The following ABCA3 variants were observed in gnomAD, a reference collection of about 807,000 sequenced individuals.
ABCA3 encodes the protein phospholipid-transporting ATPase ABCA3.
A neutral mutation model predicts 172.8 loss-of-function variants in ABCA3; 88 were observed. The observed-to-expected ratio is 0.51, with a 90% CI of 0.43 to 0.61. The LOEUF (loss-of-function observed/expected upper bound fraction) is 0.61. Ranked by LOEUF, ABCA3 falls within the 20% of genes least tolerant of loss-of-function variation. The pLI is 0.00. For synonymous variants in ABCA3, 1,066 were observed against 983.8 expected, an observed-to-expected ratio of 1.08 and a Z score of -1.56; for missense variants, 2,164 against 2,301.0, an observed-to-expected ratio of 0.94 and a Z score of 1.22.
rs1286449515 is a variant in ABCA3 at position 2,276,539 on chromosome 16, C to A, written c.*135G>T. On this transcript the variant is annotated 3_prime_UTR_variant, in exon 33 of 33. Transcript: ENST00000301732. Reference sequence around the variant, plus strand: ...GCACTCGTCCATTCTGTGCATACTGCCTTGAATTTTTCATATCCATCATAG... The same window carrying A: ...GCACTCGTCCATTCTGTGCATACTGACTTGAATTTTTCATATCCATCATAG... 3 of 1,431,238 alleles carry A rather than the reference C, an allele frequency of 2.1e-6. No individual in the cohort carries two copies. Among genetic ancestry groups the A allele is most frequent in the African/African-American group, 2.8e-5 (2 of 70,538 alleles). 88.7% of individuals were successfully genotyped at this position (1,431,238 alleles called of 1,614,324 possible). A position where few individuals can be genotyped will look rare whatever the true frequency, so the allele number is the denominator to read the frequency against.
chr16:2,283,186 C>G lies in ABCA3; in HGVS notation c.4035G>C (p.Leu1345=). Residue 1345 remains leucine (L), a splice_region_variant and synonymous_variant, in exon 26 of 33, where the codon CTG becomes CTC. Coordinates refer to ENST00000301732, the MANE Select transcript of ABCA3 (RefSeq NM_001089.3). This position sits in a 1 kb window ranked among gnomAD's most constrained non-coding sequence, Gnocchi z 5.4. ...GTCCTGGGCTCCCGGAGCCACTCAC[C>G]AGTGTCCGCCTCCTCCGGAGGGCGC... ...ILCALRRRRT[L]TELYTRMPVL... is the part of the protein sequence containing the mutation. 1 of 1,612,862 alleles carries G rather than the reference C, an allele frequency of 6.2e-7. No homozygotes were observed. The highest frequency in any genetic ancestry group is 8.5e-7 in the Non-Finnish European group (1 of 1,179,860).
intron 7 of ABCA3, 80 bp downstream of exon 7, chr16:2,323,443 G>A: frequency 6.4e-7 from 1 of 1,568,104 alleles, no homozygotes; most frequent in Non-Finnish European, 8.8e-7. Context: ...AAATACTTTT[G>A]CAAAGTGGGG....
intron 12 of ABCA3, among the ~76,000 whole-genome samples, chr16:2,301,810 T>G (rs189502379): frequency 6.6e-6 from 1 of 152,202 alleles, no homozygotes; most frequent in Admixed American, 6.5e-5. Flanking sequence ...TGTGTGTCAC[T>G]ATAAATGAAG....
intron 6 of ABCA3, among the ~76,000 whole-genome samples, chr16:2,324,049 G>A (rs2093730314): frequency 6.6e-6 from 1 of 152,048 alleles, no homozygotes. Flanking sequence ...CTTTCTTTCC[G>A]CCAGATCATA....
intron 19 of ABCA3, among the ~76,000 whole-genome samples, chr16:2,291,032 G>A (rs1321625168): frequency 6.6e-6 from 1 of 152,066 alleles, no homozygotes; most frequent in Non-Finnish European, 1.5e-5. Context: ...ACCATGCCCG[G>A]CTAATTTTTG....
intron 11 of ABCA3, 40 bp downstream of exon 11, chr16:2,308,410 C>A (rs1323826897): frequency 4.3e-6 from 7 of 1,613,214 alleles, no homozygotes; most frequent in Non-Finnish European, 5.9e-6. Flanking sequence ...TCGAAGGTTA[C>A]TGATTCGGAA....
At position 2,286,737 on chromosome 16, in the gene ABCA3, G is replaced by A. The variant is rs2141696548; in HGVS notation, c.3235C>T (p.Gln1079Ter). 1.2e-6 allele frequency: 2 copies of A among 1,613,898 alleles called. No individual in the cohort carries two copies. The highest frequency in any genetic ancestry group is 1.7e-6 in the Non-Finnish European group (2 of 1,179,942). Residue 1079 changes from glutamine (Q) to a stop codon, truncating the protein, a stop_gained, in exon 22 of 33, where the codon CAG becomes TAG. Coordinates refer to ENST00000301732, the MANE Select transcript of ABCA3 (RefSeq NM_001089.3). LOFTEE classifies it high-confidence loss of function. The surrounding 1 kb of genome is among the most constrained non-coding windows in gnomAD (Gnocchi z 5.2). Reference protein sequence around the residue: ...HASIVVSNFPQPRSALQAAKD... With the variant: ...HASIVVSNFP ...GCAGCCTGCAGGGCGCTCCGGGGCT[G>A]GGGGAAGTTGGAGACCACAATGGAG...
chr16:2,326,825 T>A (rs547698286), intron 3 of ABCA3, among the ~76,000 whole-genome samples: 51 of 152,210 alleles, frequency 3.4e-4, no homozygotes, highest in African/African-American at 1.1e-3. Flanking sequence ...CCGTCTCTAC[T>A]GAAAATACAA....
rs1386054686 is a variant in ABCA3 at position 2,276,324 on chromosome 16, C to T, written c.*350G>A. On this transcript the variant is annotated 3_prime_UTR_variant, in exon 33 of 33. Coordinates refer to ENST00000301732, the MANE Select transcript of ABCA3 (RefSeq NM_001089.3). ...GTAAACTTGGACAAGTCACTGGGTC[C>T]TCTCTCCAGGGAGTGCCTGGAGAAA... 1 of 480,454 alleles carries T rather than the reference C, an allele frequency of 2.1e-6. No homozygotes were observed. The highest frequency in any genetic ancestry group is 4.1e-6 in the Non-Finnish European group (1 of 243,276). 29.8% of individuals were successfully genotyped at this position (480,454 alleles called of 1,614,324 possible).
intron 12 of ABCA3, 135 bp downstream of exon 12, chr16:2,303,834 C>T: frequency 9.9e-7 from 1 of 1,005,356 alleles, no homozygotes; most frequent in Non-Finnish European, 1.5e-6. Flanking sequence ...ACTCCCTGTG[C>T]ACAGGGCAGG....
rs541844877 is a variant in ABCA3, at chr16:2,281,580, C to A, written c.4036-71G>T. The A allele has an allele frequency of 1.9e-5, 6 of 319,404 alleles. No individual in the cohort carries two copies. The highest frequency in any genetic ancestry group is 7.8e-5 in the African/African-American group (2 of 25,684). The allele number at this position is 319,404 out of a possible 1,614,324, so 19.8% of individuals were successfully genotyped here. ...GCGGCTTCCGTGGAGAAGGGAGGGG[C>A]GGGGGTGGATGTGGGAGGTCTGGTG... On this transcript the variant is annotated intron_variant, in intron 26 of 32. Coordinates refer to ENST00000301732, the MANE Select transcript of ABCA3 (RefSeq NM_001089.3). The surrounding 1 kb of genome is among the most constrained non-coding windows in gnomAD (Gnocchi z 4.7).
chr16:2,290,814 T>C (rs1473256379), intron 19 of ABCA3, among the ~76,000 whole-genome samples: 2 of 152,208 alleles, frequency 1.3e-5, no homozygotes, highest in Non-Finnish European at 2.9e-5. Flanking sequence ...TATGATCACC[T>C]ATTCTGTCGC....
Position 2,285,923 on chromosome 16 carries a change from C to A in ABCA3, c.3279-277G>T, listed in dbSNP as rs1325477331. Among the ~76,000 whole-genome samples the A allele has an allele frequency of 6.6e-6, 1 of 152,236 alleles. No homozygotes were observed. Among genetic ancestry groups the A allele is most frequent in the African/African-American group, 2.4e-5 (1 of 41,464 alleles). ...CCCTCAGCCCCACGGCTGCCGGCGA[C>A]CTTGCCCAGGTGTGGAGGTCCCGAG... On this transcript the variant is annotated intron_variant, in intron 22 of 32. Transcript: ENST00000301732. The surrounding 1 kb of genome is among the most constrained non-coding windows in gnomAD (Gnocchi z 4.7).
rs151110890 is a variant in ABCA3, at chr16:2,284,326, C to T, written c.3815G>A (p.Arg1272Lys). Residue 1272 changes from arginine (R) to lysine (K), a missense_variant, in exon 25 of 33, where the codon AGG becomes AAG. Physicochemically the swap from Arg to Lys is conservative, Grantham distance 26. Coordinates refer to ENST00000301732, the MANE Select transcript of ABCA3 (RefSeq NM_001089.3). This position sits in a 1 kb window ranked among gnomAD's most constrained non-coding sequence, Gnocchi z 5.9. ...SSFYENYETR[R>K]YCTSSEVAAH... The stretch of plus-strand genomic sequence containing the variant: ...GGCGACCTCGGAGGAGGTGCAGTAC[C>T]TCCGCGTCTCGTAGTTCTCGTAGAA... The T allele has an allele frequency of 6.2e-7, 1 of 1,613,790 alleles. No homozygotes were observed. Among genetic ancestry groups the T allele is most frequent in the African/African-American group, 1.3e-5 (1 of 74,920 alleles).
intron 10 of ABCA3, among the ~76,000 whole-genome samples, chr16:2,316,718 G>A (rs2093716491): frequency 2.0e-5 from 3 of 151,712 alleles, no homozygotes; most frequent in African/African-American, 7.3e-5. Flanking sequence ...AGTACTTAGA[G>A]TGGTGGTGAG....
Position 2,279,224 on chromosome 16 carries a change from C to CAGACAGGCGCAGTGG in ABCA3, c.4360-95_4360-94insCCACTGCGCCTGTCT. 1.4e-6 allele frequency: 2 copies of CAGACAGGCGCAGTGG among 1,422,388 alleles called. No homozygotes were observed. Among genetic ancestry groups the CAGACAGGCGCAGTGG allele is most frequent in the Non-Finnish European group, 1.9e-6 (2 of 1,038,302 alleles). The allele number at this position is 1,422,388 out of a possible 1,614,324, so 88.1% of individuals were successfully genotyped here. On this transcript the variant is annotated intron_variant, in intron 28 of 32. Transcript: ENST00000301732. The surrounding 1 kb of genome is among the most constrained non-coding windows in gnomAD (Gnocchi z 4.4). ...GGGACTACCCTTGAGGTGCCCACCA[C>CAGACAGGCGCAGTGG]TGCGCCTGTCTGTGGTTCCTGCCAG...
rs1255124700 is a variant in ABCA3 at position 2,275,889 on chromosome 16, C to T, written c.*785G>A. Reference sequence around the variant, plus strand: ...GACCCACAGACTGTGACTGTGTCCCCTCAGCATTTATTTTCTGGATGGTCA... The same window carrying T: ...GACCCACAGACTGTGACTGTGTCCCTTCAGCATTTATTTTCTGGATGGTCA... On this transcript the variant is annotated 3_prime_UTR_variant, in exon 33 of 33. Coordinates refer to ENST00000301732, the MANE Select transcript of ABCA3 (RefSeq NM_001089.3). 6.2e-6 allele frequency: 1 copy of T among 161,796 alleles called. No homozygotes were observed. Among genetic ancestry groups the T allele is most frequent in the African/African-American group, 2.4e-5 (1 of 41,514 alleles). 10.0% of individuals were successfully genotyped at this position (161,796 alleles called of 1,614,324 possible).
intron 8 of ABCA3, among the ~76,000 whole-genome samples, chr16:2,318,575 C>A (rs1396728007): frequency 6.6e-6 from 1 of 150,596 alleles, no homozygotes; most frequent in Admixed American, 6.6e-5. Context: ...TGCAGTGGTG[C>A]GATCTTGGCT....
At position 2,283,975 on chromosome 16, in the gene ABCA3, A is replaced by G; in HGVS notation, c.3862+304T>C. 1 of 317,576 alleles carries G rather than the reference A, an allele frequency of 3.1e-6. No individual in the cohort carries two copies. Among genetic ancestry groups the G allele is most frequent in the Non-Finnish European group, 6.0e-6 (1 of 167,954 alleles). The allele number at this position is 317,576 out of a possible 1,614,324, so 19.7% of individuals were successfully genotyped here. On this transcript the variant is annotated intron_variant, in intron 25 of 32. Transcript: ENST00000301732. This position sits in a 1 kb window ranked among gnomAD's most constrained non-coding sequence, Gnocchi z 5.4. The stretch of plus-strand genomic sequence containing the variant: ...CCTGGAGCCTCCAGGAGATGGGAGA[A>G]GCAGGAAGGGTCCTCCCCTGAGCCA...
Sources: allele counts gnomAD v4.1 joint callset (sites outside exome capture counted in the v4.1 genomes callset), GRCh38; gene constraint gnomAD v4.1.1; non-coding constraint Gnocchi (gnomAD v3.1); transcripts MANE v1.5; gene names NCBI Gene and HGNC (gene_info 2026-07-23, HGNC 2026-07-21).